The following SLC9A9 variants were observed in gnomAD, a reference collection of about 807,000 sequenced individuals.
SLC9A9 encodes sodium/hydrogen exchanger 9.
In SLC9A9, 62 loss-of-function variants were observed where a neutral mutation model predicts 77.8. That is an observed-to-expected ratio of 0.80 (90% confidence interval 0.65 to 0.98). SLC9A9 has a LOEUF of 0.98. SLC9A9 is among the 50% of genes least tolerant of loss of function. The pLI is 0.00. For missense variants in SLC9A9, 775 were observed against 774.9 expected, an observed-to-expected ratio of 1.00 and a Z score of 0.00; for synonymous variants, 320 against 283.5, an observed-to-expected ratio of 1.13 and a Z score of -1.29.
chr3:143,711,082 A>G (rs1283949719), intron 4 of SLC9A9, among the ~76,000 whole-genome samples: 1 of 152,232 alleles, frequency 6.6e-6, no homozygotes, highest in East Asian at 1.9e-4. Context: ...TGAACAATTT[A>G]TCTTGTGAGT....
intron 2 of SLC9A9, 94 bp downstream of exon 2, chr3:143,831,925 G>A: frequency 9.1e-7 from 1 of 1,102,334 alleles, no homozygotes; most frequent in East Asian, 2.6e-5. Context: ...ATATATGTGT[G>A]TGTGAATGCA....
rs752502752 is a variant in SLC9A9 at position 143,266,830 on chromosome 3, T to A, written c.1810A>T (p.Arg604Trp). Residue 604 changes from arginine (R) to tryptophan (W), a missense_variant, in exon 16 of 16, where the codon AGG becomes TGG. By Grantham distance (101) the Arg-to-Trp change is moderately radical (BLOSUM62 -3). Transcript: ENST00000316549. ...GAAGCTTTCTGGTCCAGACCTAGCC[T>A]TGCAGGAGGACTGCAGGGTGAGGAG... is the stretch of plus-strand genomic sequence containing the variant. ...QASSPCSPPA[R>W]LGLDQKASPQ... 4 of 1,614,058 alleles carry A rather than the reference T, an allele frequency of 2.5e-6. No homozygotes were observed. The Admixed American group carries it at 5.0e-5, about 20-fold the overall frequency.
At chr3:143,701,426 C>T (rs1933797749) in intron 4 of SLC9A9, among the ~76,000 whole-genome samples, 1 of 151,990 alleles carries the variant, frequency 6.6e-6, no homozygotes, top group Non-Finnish European at 1.5e-5. Flanking sequence ...AAAAAGAATT[C>T]AGAATTCTAT....
intron 8 of SLC9A9, among the ~76,000 whole-genome samples, chr3:143,564,734 A>T (rs190333452): frequency 2.0e-5 from 3 of 152,322 alleles, no homozygotes; most frequent in Non-Finnish European, 4.4e-5. Context: ...ATATAAGAAC[A>T]TCAATATAGA....
At chr3:143,385,449 A>T (rs1408806108) in intron 12 of SLC9A9, among the ~76,000 whole-genome samples, 1 of 152,194 alleles carries the variant, frequency 6.6e-6, no homozygotes, top group Non-Finnish European at 1.5e-5. Context: ...TGACATAGAC[A>T]TGCATGGCAC....
At chr3:143,546,096 G>A (rs542519782) in intron 9 of SLC9A9, among the ~76,000 whole-genome samples, 2 of 152,318 alleles carry the variant, frequency 1.3e-5, no homozygotes, top group African/African-American at 2.4e-5. Context: ...ATGGGGGCAA[G>A]ACCCAGTTTT....
At chr3:143,724,520 G>A (rs1289375963) in intron 4 of SLC9A9, among the ~76,000 whole-genome samples, 1 of 152,204 alleles carries the variant, frequency 6.6e-6, no homozygotes, top group African/African-American at 2.4e-5. Flanking sequence ...TTCGTGGAAA[G>A]CTCTCTTTGG....
intron 4 of SLC9A9, among the ~76,000 whole-genome samples, chr3:143,749,047 C>A (rs1050237549): frequency 2.6e-5 from 4 of 152,042 alleles, no homozygotes; most frequent in South Asian, 4.2e-4. Flanking sequence ...TTTTTCTAGA[C>A]CTTAATTTTG....
Position 143,467,177 on chromosome 3 carries a change from C to A in SLC9A9, c.1329G>T (p.Ala443=), listed in dbSNP as rs144930120. 1 of 1,614,148 alleles carries A rather than the reference C, an allele frequency of 6.2e-7. No homozygotes were observed. The highest frequency in any genetic ancestry group is 1.1e-5 in the South Asian group (1 of 91,074). The part of the protein sequence containing the change: ...HMMMFSGLRG[A]IAFALAIRNT... ...TCCGAATAGCTAAGGCAAATGCGAT[C>A]GCTCCTCGCAAACCTTGCAGGAAAA... Residue 443 remains alanine, a synonymous_variant, in exon 12 of 16, where the codon GCG becomes GCT. Transcript: ENST00000316549.
intron 14 of SLC9A9, among the ~76,000 whole-genome samples, chr3:143,302,123 GC>G (rs1371322848): frequency 2.0e-5 from 3 of 152,326 alleles, no homozygotes; most frequent in African/African-American, 7.2e-5. Context: ...CTTTGTCACA[GC>G]GGGCCAGGAA....
intron 12 of SLC9A9, among the ~76,000 whole-genome samples, chr3:143,387,422 T>C (rs1178709659): frequency 6.6e-6 from 1 of 151,658 alleles, no homozygotes; most frequent in East Asian, 1.9e-4. Context: ...GAGAAATAAA[T>C]ATAGAAAAAA....
At chr3:143,749,597 C>T (rs371825995) in intron 4 of SLC9A9, among the ~76,000 whole-genome samples, 1 of 152,218 alleles carries the variant, frequency 6.6e-6, no homozygotes, top group Non-Finnish European at 1.5e-5. Flanking sequence ...TCCATCAGTA[C>T]CACATCGTTT....
At chr3:143,278,681 C>T (rs1938124909) in intron 14 of SLC9A9, among the ~76,000 whole-genome samples, 1 of 151,930 alleles carries the variant, frequency 6.6e-6, no homozygotes, top group Non-Finnish European at 1.5e-5. Context: ...TAGGGGCCCG[C>T]CCTGTTCCAG....
chr3:143,750,156 A>G (rs2006661133), intron 4 of SLC9A9, among the ~76,000 whole-genome samples: 1 of 152,222 alleles, frequency 6.6e-6, no homozygotes, highest in Admixed American at 6.5e-5. Flanking sequence ...ACAGCAGTTA[A>G]AAGTGGCCCT....
intron 2 of SLC9A9, among the ~76,000 whole-genome samples, chr3:143,803,742 T>C (rs532643062): frequency 5.3e-5 from 8 of 152,124 alleles, no homozygotes; most frequent in Non-Finnish European, 7.4e-5. Flanking sequence ...TTCTAATCCC[T>C]CCTTAGCAAA....
At chr3:143,405,192 T>G (rs1202563315) in intron 12 of SLC9A9, among the ~76,000 whole-genome samples, 2 of 152,194 alleles carry the variant, frequency 1.3e-5, no homozygotes, top group Non-Finnish European at 2.9e-5. Flanking sequence ...TGTTTGTTGC[T>G]AGTTGTTTCA....
chr3:143,278,763 T>C (rs1161135842), intron 14 of SLC9A9, among the ~76,000 whole-genome samples: 1 of 152,126 alleles, frequency 6.6e-6, no homozygotes, highest in Non-Finnish European at 1.5e-5. Context: ...GTACTGGGGG[T>C]TAGGACTTCA....
intron 4 of SLC9A9, among the ~76,000 whole-genome samples, chr3:143,780,719 G>T (rs569158610): frequency 0.017 from 2,558 of 152,250 alleles, 71 homozygotes; most frequent in African/African-American, 0.059. Flanking sequence ...ACAGTGTTGG[G>T]GATGACTGGT....
At chr3:143,750,779 T>C (rs1209180653) in intron 4 of SLC9A9, among the ~76,000 whole-genome samples, 1 of 149,292 alleles carries the variant, frequency 6.7e-6, no homozygotes, top group Admixed American at 6.7e-5. Context: ...TATATATTTA[T>C]AACAAATATT....
Sources: allele counts gnomAD v4.1 joint callset (sites outside exome capture counted in the v4.1 genomes callset), GRCh38; gene constraint gnomAD v4.1.1; transcripts MANE v1.5; gene names NCBI Gene and HGNC (gene_info 2026-07-23, HGNC 2026-07-21).